LTN1: variants seen among roughly 807,000 people sequenced by gnomAD.
LTN1 encodes E3 ubiquitin-protein ligase listerin.
LTN1 carries 88 observed loss-of-function variants against 201.2 expected under a neutral mutation model. The ratio of observed to expected loss-of-function variants is 0.44; its 90% CI spans 0.37 to 0.52. The LOEUF (loss-of-function observed/expected upper bound fraction) is 0.52. LTN1 is among the 20% of genes least tolerant of loss of function. The pLI, the probability that LTN1 is intolerant of heterozygous loss-of-function variation, is 0.00. For synonymous variants in LTN1, 645 were observed against 713.5 expected, an observed-to-expected ratio of 0.90 and a Z score of 1.53; for missense variants, 1,752 against 2,038.7, an observed-to-expected ratio of 0.86 and a Z score of 2.71.
chr21:28,945,108 C>A (rs150245802), intron 21 of LTN1, among the ~76,000 whole-genome samples: 17 of 152,212 alleles, frequency 1.1e-4, no homozygotes, highest in African/African-American at 4.1e-4. Context: ...TGTAATCCTG[C>A]TATTTGAGAG....
chr21:28,929,258 T>A lies in LTN1; in HGVS notation c.*1190A>T, dbSNP rs534194725. 10 of 152,756 alleles carry A rather than the reference T, an allele frequency of 6.5e-5. No individual in the cohort carries two copies. Among genetic ancestry groups the A allele is most frequent in the Admixed American group, 6.5e-4 (10 of 15,302 alleles). The allele number at this position is 152,756 out of a possible 1,614,324, so 9.5% of individuals were successfully genotyped here. ...ATTAAACATGTGCAACAGAGATGATTAGCTGGTCTCTCAAGTAACCTAGAT... is the reference window on the plus strand; with the variant it reads ...ATTAAACATGTGCAACAGAGATGATAAGCTGGTCTCTCAAGTAACCTAGAT... On this transcript the variant is annotated 3_prime_UTR_variant, in exon 30 of 30. Coordinates refer to ENST00000361371, the MANE Select transcript of LTN1 (RefSeq NM_015565.3).
rs907819942 is a variant in LTN1, at chr21:28,986,050, C to CA, written c.345+88dup. The CA allele has an allele frequency of 1.4e-6, 1 of 712,952 alleles. No homozygotes were observed. Among genetic ancestry groups the CA allele is most frequent in the Admixed American group, 2.2e-5 (1 of 44,776 alleles). 44.2% of individuals were successfully genotyped at this position (712,952 alleles called of 1,614,324 possible). A position where few individuals can be genotyped will look rare whatever the true frequency, so the allele number is the denominator to read the frequency against. ...TGACATAACATTTAATAACCCTCAC[C>CA]AAAAATCAACATTATAAATTTGAGA... On this transcript the variant is annotated intron_variant, in intron 3 of 29. Transcript: ENST00000361371. This position sits in a 1 kb window ranked among gnomAD's most constrained non-coding sequence, Gnocchi z 4.1.
At chr21:28,958,032 A>T (rs1458587707) in intron 14 of LTN1, among the ~76,000 whole-genome samples, 1 of 152,266 alleles carries the variant, frequency 6.6e-6, no homozygotes, top group African/African-American at 2.4e-5. Flanking sequence ...GGTATGTTAT[A>T]GCAAATTATC....
intron 5 of LTN1, among the ~76,000 whole-genome samples, chr21:28,981,942 C>T (rs1293953746): frequency 6.6e-6 from 1 of 152,186 alleles, no homozygotes. Context: ...GGGCCGGGCC[C>T]AGTGGCTCAT....
At chr21:28,931,105 G>A in intron 29 of LTN1, 50 bp downstream of exon 29, 2 of 1,050,730 alleles carry the variant, frequency 1.9e-6, no homozygotes, top group Non-Finnish European at 2.9e-6. Flanking sequence ...GTGTGTTTAT[G>A]TGTATAAAAT....
At chr21:28,980,262 T>C (rs2084647931) in intron 6 of LTN1, among the ~76,000 whole-genome samples, 1 of 150,812 alleles carries the variant, frequency 6.6e-6, no homozygotes, top group South Asian at 2.1e-4. Context: ...ACAAAGAAAA[T>C]ATGAGTTAGA....
rs914997908 is a variant in LTN1 at position 28,941,208 on chromosome 21, A to G, written c.4482+12T>C. On this transcript the variant is annotated intron_variant, in intron 25 of 29. Transcript: ENST00000361371. The stretch of plus-strand genomic sequence containing the variant: ...GGACAGAACTATCGAAAGTTGTCAC[A>G]TATTTATTTACCTGTGATGATGCAG... 2.5e-6 allele frequency: 4 copies of G among 1,599,640 alleles called. No individual in the cohort carries two copies. The highest frequency in any genetic ancestry group is 1.7e-5 in the Admixed American group (1 of 58,592).
rs1317157652 is a variant in LTN1 at position 28,966,529 on chromosome 21, T to C, written c.1962A>G (p.Gln654=). The C allele has an allele frequency of 1.2e-6, 2 of 1,614,066 alleles. No homozygotes were observed. The highest frequency in any genetic ancestry group is 1.7e-6 in the Non-Finnish European group (2 of 1,180,042). The stretch of plus-strand genomic sequence containing the variant: ...ATAAAAACTGCACCGCAGGATTTTT[T>C]TGTACAAGCTTGGCTATTTCAAGAG... ...AKPLEIAKLV[Q]KNPAVQFLYQ... Residue 654 remains glutamine, a synonymous_variant, in exon 10 of 30, where the codon CAA becomes CAG. Coordinates refer to ENST00000361371, the MANE Select transcript of LTN1 (RefSeq NM_015565.3).
intron 4 of LTN1, among the ~76,000 whole-genome samples, chr21:28,984,094 TA>T (rs2084678654): frequency 6.6e-6 from 1 of 152,198 alleles, no homozygotes; most frequent in Non-Finnish European, 1.5e-5. Flanking sequence ...TTTATCATTA[TA>T]AAAAATTTTA....
chr21:28,966,459 A>C lies in LTN1; in HGVS notation c.2032T>G (p.Phe678Val). 1 of 1,614,186 alleles carries C rather than the reference A, an allele frequency of 6.2e-7. No homozygotes were observed. Among genetic ancestry groups the C allele is most frequent in the Non-Finnish European group, 8.5e-7 (1 of 1,180,024 alleles). ...TACAAAATGTCCACCAGGAAACCAAAATCCTTCCTTTGATCTTCATTTAGC... is the reference window on the plus strand; with the variant it reads ...TACAAAATGTCCACCAGGAAACCAACATCCTTCCTTTGATCTTCATTTAGC... ...GWLNEDQRKD[F>V]GFLVDILYSA... is the part of the protein sequence containing the mutation. Residue 678 changes from phenylalanine (F) to valine (V), a missense_variant, in exon 10 of 30, where the codon TTT (phenylalanine) becomes GTT (valine). Phe to Val is a conservative substitution (Grantham distance 50). Around this residue, in one of 3 missense-constraint regions of LTN1, gnomAD observed 1,211 missense variants for 1,312.8 expected, o/e 0.92. Coordinates refer to ENST00000361371, the MANE Select transcript of LTN1 (RefSeq NM_015565.3).
chr21:28,973,346 C>CAAAAA (rs771261669), intron 6 of LTN1, among the ~76,000 whole-genome samples: 4 of 61,686 alleles, frequency 6.5e-5, no homozygotes, highest in East Asian at 9.4e-4. Flanking sequence ...GAATCCGTCC[C>CAAAAA]AAAAAAAAAA....
At chr21:28,934,818 T>G (rs2084240956) in intron 27 of LTN1, among the ~76,000 whole-genome samples, 1 of 152,180 alleles carries the variant, frequency 6.6e-6, no homozygotes, top group East Asian at 1.9e-4. Context: ...GAGAATAGAC[T>G]AATACAGTGT....
chr21:28,962,437 T>A (rs561242271), intron 11 of LTN1, among the ~76,000 whole-genome samples: 13 of 152,362 alleles, frequency 8.5e-5, no homozygotes, highest in African/African-American at 3.1e-4. Flanking sequence ...GTTATAGTGA[T>A]CTGCAATCAG....
At position 28,966,883 on chromosome 21, in the gene LTN1, A is replaced by G. The variant is rs146235168; in HGVS notation, c.1608T>C (p.Asn536=). ...KSSLKSSKKK[N]GKVRFADEIL... is the part of the protein sequence containing the mutation. ...TCTCATCAGCAAATCTAACCTTACCATTTTTTTTTTTACTTGACTTCAATG... is the reference window on the plus strand; with the variant it reads ...TCTCATCAGCAAATCTAACCTTACCGTTTTTTTTTTTACTTGACTTCAATG... Residue 536 remains asparagine, a synonymous_variant, in exon 10 of 30, where the codon AAT becomes AAC. Coordinates refer to ENST00000361371, the MANE Select transcript of LTN1 (RefSeq NM_015565.3). The G allele has an allele frequency of 3.9e-6, 5 of 1,282,268 alleles. No individual in the cohort carries two copies. The African/African-American group carries it at 7.6e-5, about 19-fold the overall frequency. The allele number at this position is 1,282,268 out of a possible 1,614,324, so 79.4% of individuals were successfully genotyped here.
chr21:28,939,525 G>A (rs2084281344), intron 25 of LTN1, among the ~76,000 whole-genome samples: 1 of 152,090 alleles, frequency 6.6e-6, no homozygotes, highest in African/African-American at 2.4e-5. Flanking sequence ...AACATTTAAA[G>A]TTTTCCGAAG....
At chr21:28,971,985 G>T (rs1291838539) in intron 6 of LTN1, among the ~76,000 whole-genome samples, 1 of 152,202 alleles carries the variant, frequency 6.6e-6, no homozygotes, top group Non-Finnish European at 1.5e-5. Context: ...TAAGAACAAT[G>T]CAATGGTCTG....
chr21:28,930,467 C>G lies in LTN1; in HGVS notation c.5282G>C (p.Cys1761Ser). Residue 1761 changes from cysteine (C) to serine (S), a missense_variant, in exon 30 of 30, where the codon TGT (cysteine) becomes TCT (serine). Transcript: ENST00000361371. ...AAAATCTCAGAAAAACGTCTCACGA[C>G]ACAGTGGACAAGTGGATTTGTTGCT... ...TSSNKSTCPL[C>S]RETFF 6.2e-7 allele frequency: 1 copy of G among 1,613,050 alleles called. No homozygotes were observed. The highest frequency in any genetic ancestry group is 8.5e-7 in the Non-Finnish European group (1 of 1,179,440).
rs1737372025 is a variant in LTN1, at chr21:28,953,250, T to C, written c.3206A>G (p.Asn1069Ser). 6.3e-7 allele frequency: 1 copy of C among 1,586,470 alleles called. No individual in the cohort carries two copies. The highest frequency in any genetic ancestry group is 1.4e-5 in the African/African-American group (1 of 73,138). The change falls in exon 17 of 30, where the codon AAT becomes AGT. Residue 1069 changes from asparagine to serine, a missense_variant. Coordinates refer to ENST00000361371, the MANE Select transcript of LTN1 (RefSeq NM_015565.3). ...ITYDNLRVLG[N>S]TSGLLQLLFN... is the part of the protein sequence containing the mutation. ...TAACAGCTGCAAAAGGCCCGACGTA[T>C]TACCAAGTACACGTAAGTTATCATA...
rs776603820 is a variant in LTN1, at chr21:28,947,573, G to A, written c.3378C>T (p.Thr1126=). The A allele has an allele frequency of 4.4e-6, 7 of 1,575,424 alleles. No individual in the cohort carries two copies. The Admixed American group carries it at 5.9e-5, about 13-fold the overall frequency. The change falls in exon 19 of 30, where the codon ACC becomes ACT. Residue 1126 remains threonine, a synonymous_variant. Coordinates refer to ENST00000361371, the MANE Select transcript of LTN1 (RefSeq NM_015565.3). Reference sequence around the variant, plus strand: ...ACAAAAATGGACATAGACTTTGAATGGTATGCAAATTGCCTTCAGTTAGTG... The same window carrying A: ...ACAAAAATGGACATAGACTTTGAATAGTATGCAAATTGCCTTCAGTTAGTG... ...FFPLTEGNLH[T]IQSLCPFLSK...
Sources: gnomAD v4.1 joint callset for allele counts (sites outside exome capture counted in the v4.1 genomes callset) on GRCh38, gnomAD v4.1.1 for gene constraint, gnomAD v4.1.1 regional missense constraint, Gnocchi (gnomAD v3.1) non-coding constraint, MANE v1.5 for transcripts, NCBI Gene and HGNC (gene_info 2026-07-23, HGNC 2026-07-21) for gene names.